The following DERL3 variants were observed in gnomAD, a reference collection of about 807,000 sequenced individuals.
The protein encoded by DERL3 is derlin-3.
In DERL3, 20 loss-of-function variants were observed where a neutral mutation model predicts 23.8. The observed-to-expected ratio is 0.84, with a 90% CI of 0.59 to 1.22. DERL3 has a LOEUF of 1.22. Among genes scored for constraint, DERL3 ranks in the 50% most tolerant of loss-of-function variants. The pLI, the probability that DERL3 is intolerant of heterozygous loss-of-function variation, is 0.00. For missense variants in DERL3, 319 were observed against 304.1 expected (o/e 1.05, Z -0.36); for synonymous variants, 145 against 132.5 (o/e 1.09, Z -0.65).
intron 5 of DERL3, chr22:23,837,376 AGTG>A: frequency 1.5e-6 from 1 of 666,034 alleles, no homozygotes; most frequent in Non-Finnish European, 2.5e-6. Flanking sequence ...GCCTGAGAAT[AGTG>A]GAGGAGTGGG....
Position 23,834,800 on chromosome 22 carries a change from C to T in DERL3, c.*2069G>A. ...GAGGCTCTCTGCCTTTCAGGAACAG[C>T]CCTAACCCTGCTCCCCTTGCTTGGC... On this transcript the variant is annotated 3_prime_UTR_variant, in exon 7 of 7. Transcript: ENST00000318109. 1 of 1,601,630 alleles carries T rather than the reference C, an allele frequency of 6.2e-7. No homozygotes were observed. The highest frequency in any genetic ancestry group is 8.5e-7 in the Non-Finnish European group (1 of 1,174,754).
At position 23,836,212 on chromosome 22, in the gene DERL3, A is replaced by G. The variant is rs1393332964; in HGVS notation, c.*657T>C. On this transcript the variant is annotated 3_prime_UTR_variant, in exon 7 of 7. Coordinates refer to ENST00000318109, the MANE Select transcript of DERL3 (RefSeq NM_001002862.3). ...AAACTTAGGCTCTGAGGTCATAGAA[A>G]GGGCAGAAGACCTAGTCCTGGCCCT... is the stretch of plus-strand genomic sequence containing the variant. 1.0e-6 allele frequency: 1 copy of G among 985,370 alleles called. No individual in the cohort carries two copies. The highest frequency in any genetic ancestry group is 1.2e-6 in the Non-Finnish European group (1 of 829,948). 61.0% of individuals were successfully genotyped at this position (985,370 alleles called of 1,614,324 possible).
chr22:23,837,668 C>T lies in DERL3; in HGVS notation c.514G>A (p.Asp172Asn). ...GTACCGGGAGGCTCACCCAGCAGGT[C>T]CACGAGGATGGAGTTGCCCAGCAGC... The part of the protein sequence containing the change: ...SLLLGNSILV[D>N]LLGIAVGHIY... The change falls in exon 5 of 7, where the codon GAC (aspartate) becomes AAC (asparagine). Residue 172 changes from aspartate to asparagine, a missense_variant. Physicochemically the swap from Asp to Asn is conservative, Grantham distance 23. Coordinates refer to ENST00000318109, the MANE Select transcript of DERL3 (RefSeq NM_001002862.3). The T allele has an allele frequency of 6.2e-7, 1 of 1,612,914 alleles. No individual in the cohort carries two copies. Among genetic ancestry groups the T allele is most frequent in the Non-Finnish European group, 8.5e-7 (1 of 1,179,364 alleles).
intron 4 of DERL3, 177 bp from the exon 5 acceptor site, chr22:23,838,031 C>T: frequency 3.0e-6 from 4 of 1,351,256 alleles, no homozygotes; most frequent in South Asian, 1.5e-5. Context: ...CGAAATCTGC[C>T]CTGCACACCT....
intron 5 of DERL3, 83 bp downstream of exon 5, chr22:23,837,575 TG>T: frequency 7.2e-7 from 1 of 1,394,114 alleles, no homozygotes; most frequent in Non-Finnish European, 9.8e-7. Flanking sequence ...CCAGCAAGGA[TG>T]GGAGAGGGGC....
chr22:23,837,627 C>T (rs1165208977), intron 5 of DERL3, 32 bp downstream of exon 5: 2 of 1,599,858 alleles, frequency 1.3e-6, no homozygotes, highest in Non-Finnish European at 1.7e-6. Context: ...AGTGGCCAGC[C>T]TGGGGCGGAC....
rs1397678153 is a variant in DERL3, at chr22:23,834,741, G to A, written c.*2128C>T. 2 of 1,488,410 alleles carry A rather than the reference G, an allele frequency of 1.3e-6. No homozygotes were observed. The highest frequency in any genetic ancestry group is 1.4e-5 in the African/African-American group (1 of 69,150). 92.2% of individuals were successfully genotyped at this position (1,488,410 alleles called of 1,614,324 possible). A position where few individuals can be genotyped will look rare whatever the true frequency, so the allele number is the denominator to read the frequency against. ...AGCCTGTTCTCCTTCCAGACCCAGAGAGCTGAGAAGAGTAGCTGTGAGGCT... is the reference window on the plus strand; with the variant it reads ...AGCCTGTTCTCCTTCCAGACCCAGAAAGCTGAGAAGAGTAGCTGTGAGGCT... On this transcript the variant is annotated 3_prime_UTR_variant, in exon 7 of 7. Transcript: ENST00000318109.
Position 23,835,609 on chromosome 22 carries a change from T to A in DERL3, c.*1260A>T, listed in dbSNP as rs75193028. On this transcript the variant is annotated 3_prime_UTR_variant, in exon 7 of 7. Transcript: ENST00000318109. ...AAGAGTGGAACTCCCCAGAGCCCCA[T>A]GCACAGCAAGGGGACAGCTGGGCCT... The A allele has an allele frequency of 0.014, 14,168 of 985,460 alleles. 1,557 individuals carry two copies. In the African/African-American group the frequency reaches 0.23, roughly 16 times the overall value. 61.0% of individuals were successfully genotyped at this position (985,460 alleles called of 1,614,324 possible).
chr22:23,835,763 C>T lies in DERL3; in HGVS notation c.*1106G>A. On this transcript the variant is annotated 3_prime_UTR_variant, in exon 7 of 7. Coordinates refer to ENST00000318109, the MANE Select transcript of DERL3 (RefSeq NM_001002862.3). ...CTCGGCAATGAAAGGGTGAGGCAGC[C>T]CTGTGTCTCCACAACTGGGGGGATG... 1.0e-6 allele frequency: 1 copy of T among 985,480 alleles called. No homozygotes were observed. 61.0% of individuals were successfully genotyped at this position (985,480 alleles called of 1,614,324 possible).
rs1488589550 is a variant in DERL3 at position 23,834,553 on chromosome 22, AAAT to A, written c.*2313_*2315del. ...CAATTTCTTCAAAGTTTTAACATAA[AAAT>A]AATGAGAGCCAGGAGTGGGGCCGGG... On this transcript the variant is annotated 3_prime_UTR_variant, in exon 7 of 7. Coordinates refer to ENST00000318109, the MANE Select transcript of DERL3 (RefSeq NM_001002862.3). The A allele has an allele frequency of 5.7e-6, 4 of 700,768 alleles. No homozygotes were observed. The highest frequency in any genetic ancestry group is 5.3e-5 in the African/African-American group (3 of 57,108). The allele number at this position is 700,768 out of a possible 1,614,324, so 43.4% of individuals were successfully genotyped here. A position where few individuals can be genotyped will look rare whatever the true frequency, so the allele number is the denominator to read the frequency against.
rs1157564347 is a variant in DERL3, at chr22:23,838,222, C to T, written c.327+130G>A. On this transcript the variant is annotated intron_variant, in intron 4 of 6. Coordinates refer to ENST00000318109, the MANE Select transcript of DERL3 (RefSeq NM_001002862.3). ...CCCTGCAGCTGAGCACAGAGTGGGC[C>T]CTCAACACATACTAAGCTGGAGACA... The T allele has an allele frequency of 4.5e-6, 7 of 1,549,754 alleles. No homozygotes were observed. In the East Asian group the frequency reaches 1.2e-4, roughly 27 times the overall value.
Position 23,835,603 on chromosome 22 carries a change from GC to G in DERL3, c.*1265del, listed in dbSNP as rs2030983901. 5 of 985,488 alleles carry G rather than the reference GC, an allele frequency of 5.1e-6. No homozygotes were observed. The South Asian group carries it at 1.9e-4, about 37-fold the overall frequency. The allele number at this position is 985,488 out of a possible 1,614,324, so 61.0% of individuals were successfully genotyped here. A position where few individuals can be genotyped will look rare whatever the true frequency, so the allele number is the denominator to read the frequency against. Reference sequence around the variant, plus strand: ...CCATCAAAGAGTGGAACTCCCCAGAGCCCCATGCACAGCAAGGGGACAGCTG... The same window carrying G: ...CCATCAAAGAGTGGAACTCCCCAGAGCCCATGCACAGCAAGGGGACAGCTG... On this transcript the variant is annotated 3_prime_UTR_variant, in exon 7 of 7. Transcript: ENST00000318109.
Position 23,835,256 on chromosome 22 carries a change from G to C in DERL3, c.*1613C>G. The C allele has an allele frequency of 8.9e-7, 1 of 1,123,494 alleles. No homozygotes were observed. The highest frequency in any genetic ancestry group is 4.9e-5 in the East Asian group (1 of 20,524). 69.6% of individuals were successfully genotyped at this position (1,123,494 alleles called of 1,614,324 possible). Reference sequence around the variant, plus strand: ...AATAGGGAGGTGTCCCCATTCTTCAGAATGGACACAGGATCTGGGAGGGCA... The same window carrying C: ...AATAGGGAGGTGTCCCCATTCTTCACAATGGACACAGGATCTGGGAGGGCA... On this transcript the variant is annotated 3_prime_UTR_variant, in exon 7 of 7. Transcript: ENST00000318109.
At chr22:23,838,022 G>A (rs1023296870) in intron 4 of DERL3, 168 bp from the exon 5 acceptor site, 5 of 1,324,286 alleles carry the variant, frequency 3.8e-6, no homozygotes, top group African/African-American at 3.0e-5. Flanking sequence ...CAGGTCCCAC[G>A]AAATCTGCCC....
Position 23,834,914 on chromosome 22 carries a change from C to A in DERL3, c.*1955G>T. ...TGGTCAGGCTACTGCCAGCTGGGGC[C>A]TTGCTGCTCTGAAGTCCCCTGCGGA... On this transcript the variant is annotated 3_prime_UTR_variant, in exon 7 of 7. Coordinates refer to ENST00000318109, the MANE Select transcript of DERL3 (RefSeq NM_001002862.3). 1 of 1,610,814 alleles carries A rather than the reference C, an allele frequency of 6.2e-7. No individual in the cohort carries two copies.
In DERL3 at chr22:23,835,867, C is replaced by G; in HGVS notation, c.*1002G>C. The G allele has an allele frequency of 1.0e-6, 1 of 976,534 alleles. No individual in the cohort carries two copies. The highest frequency in any genetic ancestry group is 1.2e-6 in the Non-Finnish European group (1 of 823,094). The allele number at this position is 976,534 out of a possible 1,614,324, so 60.5% of individuals were successfully genotyped here. Reference sequence around the variant, plus strand: ...AGGTGCCGGGAAGGCTGGGCCCTCACTCCTGACCGCCAGCTCACACCGCCG... The same window carrying G: ...AGGTGCCGGGAAGGCTGGGCCCTCAGTCCTGACCGCCAGCTCACACCGCCG... On this transcript the variant is annotated 3_prime_UTR_variant, in exon 7 of 7. Transcript: ENST00000318109.
chr22:23,838,539 C>A lies in DERL3; in HGVS notation c.233+25G>T, dbSNP rs1392388613. On this transcript the variant is annotated intron_variant, in intron 3 of 6. Transcript: ENST00000318109. ...CCCGGCCGGCCTGCCCTCCACCCAG[C>A]CCGTGTCCGCAGGGCGCAGGATACA... 16 of 1,577,332 alleles carry A rather than the reference C, an allele frequency of 1.0e-5. No individual in the cohort carries two copies. The South Asian group carries it at 1.9e-4, about 18-fold the overall frequency.
chr22:23,837,090 C>T lies in DERL3; in HGVS notation c.588G>A (p.Lys196=). The T allele has an allele frequency of 1.2e-6, 2 of 1,613,998 alleles. No individual in the cohort carries two copies. Among genetic ancestry groups the T allele is most frequent in the Non-Finnish European group, 1.7e-6 (2 of 1,179,912 alleles). The change falls in exon 6 of 7, where the codon AAG becomes AAA. Residue 196 remains lysine (K), a synonymous_variant. Coordinates refer to ENST00000318109, the MANE Select transcript of DERL3 (RefSeq NM_001002862.3). The stretch of plus-strand genomic sequence containing the variant: ...GGAAGCCAGGGGTCTGCAGGAGCCT[C>T]TTGCCTCCAGGCTGGTTGGGGAAGA... ...EDVFPNQPGG[K]RLLQTPGFLK... is the part of the protein sequence containing the mutation.
chr22:23,836,654 C>T lies in DERL3; in HGVS notation c.*215G>A. The T allele has an allele frequency of 2.4e-6, 3 of 1,259,412 alleles. No individual in the cohort carries two copies. The highest frequency in any genetic ancestry group is 3.4e-5 in the South Asian group (1 of 29,570). The allele number at this position is 1,259,412 out of a possible 1,614,324, so 78.0% of individuals were successfully genotyped here. On this transcript the variant is annotated 3_prime_UTR_variant, in exon 7 of 7. Coordinates refer to ENST00000318109, the MANE Select transcript of DERL3 (RefSeq NM_001002862.3). ...TACCACCTGCAGTTGGGCTGAGAGG[C>T]CACACTGAGTGAGGACGGGGCAGGC...
Sources: gnomAD v4.1 joint callset for allele counts on GRCh38, gnomAD v4.1.1 for gene constraint, MANE v1.5 for transcripts, NCBI Gene and HGNC (gene_info 2026-07-23, HGNC 2026-07-21) for gene names.